PCCA: variants seen among roughly 807,000 people sequenced by gnomAD.
The protein encoded by PCCA is propionyl-CoA carboxylase alpha chain, mitochondrial.
PCCA carries 74 observed loss-of-function variants against 101.3 expected under a neutral mutation model. The observed-to-expected ratio is 0.73, with a 90% CI of 0.61 to 0.89. The LOEUF is 0.89. Among genes scored for constraint, PCCA ranks in the 40% least tolerant of loss-of-function variants. The pLI is 0.00. For synonymous variants in PCCA, 294 were observed against 313.6 expected (o/e 0.94, Z 0.66); for missense variants, 891 against 907.0 (o/e 0.98, Z 0.23).
chr13:100,114,402 T>C (rs919938231), intron 4 of PCCA, among the ~76,000 whole-genome samples: 7 of 151,968 alleles, frequency 4.6e-5, no homozygotes, highest in Non-Finnish European at 8.8e-5. Flanking sequence ...AATGGATGTT[T>C]AACCAGCCTG....
At position 100,161,941 on chromosome 13, in the gene PCCA, A is replaced by C. The variant is rs192384246; in HGVS notation, c.468+4601A>C. ...TATCTTAAAATTTTTAATTTTTGAG[A>C]ATGTAAAATGCTAAGAAATTTAAGC... On this transcript the variant is annotated intron_variant, in intron 6 of 23. Transcript: ENST00000376285. Among the ~76,000 whole-genome samples, 129 of 152,226 alleles carry C rather than the reference A, an allele frequency of 8.5e-4. 1 individual carries two copies. The highest frequency in any genetic ancestry group is 1.6e-4 in the Non-Finnish European group (11 of 68,010).
intron 17 of PCCA, among the ~76,000 whole-genome samples, chr13:100,338,745 A>G (rs1182773573): frequency 2.0e-5 from 3 of 149,006 alleles, no homozygotes; most frequent in African/African-American, 7.5e-5. Flanking sequence ...TAGATCCCAT[A>G]TTTGTATTAT....
chr13:100,484,288 C>G (rs2084190278), intron 21 of PCCA, among the ~76,000 whole-genome samples: 1 of 151,992 alleles, frequency 6.6e-6, no homozygotes, highest in Non-Finnish European at 1.5e-5. Context: ...TTTAGCAGAT[C>G]CACCGTGTTC....
intron 6 of PCCA, among the ~76,000 whole-genome samples, chr13:100,163,090 C>G (rs895962911): frequency 3.3e-5 from 5 of 152,140 alleles, no homozygotes; most frequent in Admixed American, 2.0e-4. Context: ...AAAAGGAAAA[C>G]TCTCCCTTTA....
At chr13:100,447,722 A>AT (rs937397127) in intron 20 of PCCA, among the ~76,000 whole-genome samples, 5 of 151,890 alleles carry the variant, frequency 3.3e-5, no homozygotes, top group Non-Finnish European at 5.9e-5. Context: ...TCCCATACTG[A>AT]TTTTTTTTCT....
Position 100,213,360 on chromosome 13 carries a change from A to G in PCCA, c.600+3897A>G, listed in dbSNP as rs374388037. On this transcript the variant is annotated intron_variant, in intron 7 of 23. Coordinates refer to ENST00000376285, the MANE Select transcript of PCCA (RefSeq NM_000282.4). ...ACTAATTTGCATTCCCCCCAACACTATACAAGAGTTCCCTTTTCTCTATAT... is the reference window on the plus strand; with the variant it reads ...ACTAATTTGCATTCCCCCCAACACTGTACAAGAGTTCCCTTTTCTCTATAT... Among the ~76,000 whole-genome samples the G allele has an allele frequency of 2.1e-4, 32 of 152,288 alleles. No individual in the cohort carries two copies. In the South Asian group the frequency reaches 3.7e-3, roughly 18 times the overall value.
In PCCA at chr13:100,340,150, C is replaced by T; in HGVS notation, c.1541-7C>T. 1 of 1,444,564 alleles carries T rather than the reference C, an allele frequency of 6.9e-7. No individual in the cohort carries two copies. The highest frequency in any genetic ancestry group is 9.8e-7 in the Non-Finnish European group (1 of 1,024,928). 89.5% of individuals were successfully genotyped at this position (1,444,564 alleles called of 1,614,324 possible). A position where few individuals can be genotyped will look rare whatever the true frequency, so the allele number is the denominator to read the frequency against. ...GATTGATTGATTGGTTGATTGATTT[C>T]CCTCAGGACACATGCTAACCAAGAG... On this transcript the variant is annotated splice_polypyrimidine_tract_variant and splice_region_variant and intron_variant, in intron 17 of 23. Coordinates refer to ENST00000376285, the MANE Select transcript of PCCA (RefSeq NM_000282.4).
intron 2 of PCCA, chr13:100,104,457 C>G (rs2047569973): frequency 6.6e-6 from 1 of 152,050 alleles, no homozygotes; most frequent in Non-Finnish European, 1.5e-5. Context: ...TGAGTTGGTT[C>G]TCACAGGATC....
At chr13:100,485,430 T>C (rs1012000734) in intron 21 of PCCA, among the ~76,000 whole-genome samples, 7 of 152,224 alleles carry the variant, frequency 4.6e-5, no homozygotes, top group Non-Finnish European at 1.0e-4. Context: ...AACCATATTA[T>C]AACAGCTACT....
chr13:100,417,149 G>T (rs539853015), intron 19 of PCCA, among the ~76,000 whole-genome samples: 1 of 152,304 alleles, frequency 6.6e-6, no homozygotes, highest in East Asian at 1.9e-4. Context: ...GGCCTGTCAT[G>T]TGTATTCTAA....
At chr13:100,507,410 C>T (rs1253421245) in intron 21 of PCCA, among the ~76,000 whole-genome samples, 1 of 152,170 alleles carries the variant, frequency 6.6e-6, no homozygotes, top group Non-Finnish European at 1.5e-5. Flanking sequence ...CATTAACAGA[C>T]TTGCTCCTTG....
At chr13:100,229,075 G>A (rs1158064760) in intron 7 of PCCA, among the ~76,000 whole-genome samples, 1 of 148,386 alleles carries the variant, frequency 6.7e-6, no homozygotes, top group Non-Finnish European at 1.5e-5. Flanking sequence ...TGTAGAATTT[G>A]ATTTTTTTTT....
intron 21 of PCCA, among the ~76,000 whole-genome samples, chr13:100,482,716 G>T (rs979464551): frequency 6.6e-6 from 1 of 152,202 alleles, no homozygotes; most frequent in Non-Finnish European, 1.5e-5. Context: ...AGCCTCCCGA[G>T]TTGCTGGGAT....
At chr13:100,196,388 A>G (rs1365452614) in intron 6 of PCCA, among the ~76,000 whole-genome samples, 2 of 152,204 alleles carry the variant, frequency 1.3e-5, no homozygotes, top group Non-Finnish European at 2.9e-5. Context: ...AGGAGAAACA[A>G]GGTTTTATAT....
chr13:100,290,360 T>C (rs1292488697), intron 12 of PCCA, among the ~76,000 whole-genome samples: 1 of 152,000 alleles, frequency 6.6e-6, no homozygotes, highest in South Asian at 2.1e-4. Context: ...CATAGGTGCA[T>C]GCTGCCACGC....
At chr13:100,190,213 T>C (rs887273152) in intron 6 of PCCA, among the ~76,000 whole-genome samples, 6 of 152,226 alleles carry the variant, frequency 3.9e-5, no homozygotes, top group Non-Finnish European at 8.8e-5. Context: ...CTTTGATGGC[T>C]GTTATTGCGT....
intron 21 of PCCA, among the ~76,000 whole-genome samples, chr13:100,451,884 CCT>C (rs1238608961): frequency 0.03 from 2 of 66 alleles, no homozygotes; most frequent in East Asian, 0.5. Context: ...CTCTTCCTCT[CCT>C]CTCTCTCCTC....
At position 100,257,680 on chromosome 13, in the gene PCCA, G is replaced by A; in HGVS notation, c.716+7G>A. 6.2e-7 allele frequency: 1 copy of A among 1,605,910 alleles called. No homozygotes were observed. Among genetic ancestry groups the A allele is most frequent in the Non-Finnish European group, 8.5e-7 (1 of 1,172,942 alleles). ...GGGATGATGAAGAGACCAGGTGAGA[G>A]GCTGTCCAAAATATACTTTTGATGA... On this transcript the variant is annotated splice_region_variant and intron_variant, in intron 9 of 23. Transcript: ENST00000376285.
At chr13:100,100,076 T>G (rs763847268) in intron 1 of PCCA, among the ~76,000 whole-genome samples, 1 of 152,218 alleles carries the variant, frequency 6.6e-6, no homozygotes, top group Non-Finnish European at 1.5e-5. Flanking sequence ...GGCACTTTAC[T>G]GTTTATAAAA....
Sources: allele counts gnomAD v4.1 joint callset (sites outside exome capture counted in the v4.1 genomes callset), GRCh38; gene constraint gnomAD v4.1.1; transcripts MANE v1.5; gene names NCBI Gene and HGNC (gene_info 2026-07-23, HGNC 2026-07-21).